Variants in XPR1 observed in about 807,000 individuals in gnomAD.
XPR1 encodes xenotropic and polytropic retrovirus receptor 1, also known as solute carrier family 53 member 1.
Under a neutral mutation model 87.5 loss-of-function variants are expected in XPR1, and 28 were observed. The ratio of observed to expected loss-of-function variants is 0.32; its 90% CI spans 0.24 to 0.44. XPR1 has a LOEUF of 0.44. Ranked by LOEUF, XPR1 falls within the 20% of genes least tolerant of loss-of-function variation. XPR1 has a pLI of 1.00. For synonymous variants in XPR1, 300 were observed against 306.1 expected, an observed-to-expected ratio of 0.98 and a Z score of 0.21; for missense variants, 559 against 862.3, an observed-to-expected ratio of 0.65 and a Z score of 4.41.
At chr1:180,855,081 G>T (rs969614485) in intron 11 of XPR1, among the ~76,000 whole-genome samples, 1 of 152,132 alleles carries the variant, frequency 6.6e-6, no homozygotes, top group Non-Finnish European at 1.5e-5. Flanking sequence ...GAAAAATGCT[G>T]ATGTGAGATC....
chr1:180,713,956 T>G (rs1485289577), intron 2 of XPR1, among the ~76,000 whole-genome samples: 1 of 152,164 alleles, frequency 6.6e-6, no homozygotes, highest in African/African-American at 2.4e-5. Context: ...GGTATTATTC[T>G]TTTTAACTGT....
rs1264196151 is a variant in XPR1 at position 180,708,894 on chromosome 1, GT to G, written c.121+26498del. Among the ~76,000 whole-genome samples, 409 of 83,982 alleles carry G rather than the reference GT, an allele frequency of 4.9e-3. 1 individual carries two copies. The highest frequency in any genetic ancestry group is 9.9e-3 in the African/African-American group (228 of 22,962). The allele number at this position is 83,982 out of a possible 152,430, so 55.1% of individuals were successfully genotyped here. On this transcript the variant is annotated intron_variant, in intron 2 of 14. Coordinates refer to ENST00000367590, the MANE Select transcript of XPR1 (RefSeq NM_004736.4). ...AGCTGTAGTCTTATAAGCATGTAAA[GT>G]TTTTTTTTTTTTTTGGGGGGGGGGG...
intron 2 of XPR1, among the ~76,000 whole-genome samples, chr1:180,751,726 C>T (rs1167133580): frequency 6.6e-6 from 1 of 152,054 alleles, no homozygotes; most frequent in African/African-American, 2.4e-5. Context: ...AGGTCACTGC[C>T]TGAAGTAGAA....
intron 11 of XPR1, among the ~76,000 whole-genome samples, chr1:180,844,931 A>T (rs1651628814): frequency 6.6e-6 from 1 of 152,224 alleles, no homozygotes; most frequent in South Asian, 2.1e-4. Context: ...ACCCTACATT[A>T]ATGGGGCAAG....
intron 2 of XPR1, among the ~76,000 whole-genome samples, chr1:180,722,516 A>G (rs1187927001): frequency 6.6e-6 from 1 of 152,212 alleles, no homozygotes; most frequent in Non-Finnish European, 1.5e-5. Flanking sequence ...GAGACTGTGC[A>G]TTTCATATTG....
At chr1:180,658,674 C>T (rs560742361) in intron 1 of XPR1, among the ~76,000 whole-genome samples, 5 of 152,090 alleles carry the variant, frequency 3.3e-5, no homozygotes, top group African/African-American at 1.2e-4. Context: ...ACACCATTCT[C>T]CTGCCTCAGC....
At chr1:180,669,340 A>G (rs1453675204) in intron 1 of XPR1, among the ~76,000 whole-genome samples, 2 of 151,676 alleles carry the variant, frequency 1.3e-5, no homozygotes, top group Non-Finnish European at 2.9e-5. Flanking sequence ...ATATATTCTG[A>G]TGGTCTGTCT....
intron 1 of XPR1, among the ~76,000 whole-genome samples, chr1:180,634,299 C>G (rs1654692702): frequency 6.6e-6 from 1 of 152,100 alleles, no homozygotes; most frequent in African/African-American, 2.4e-5. Flanking sequence ...CGGAGAGTTC[C>G]TACTATATGG....
chr1:180,681,481 T>C (rs1656576620), intron 1 of XPR1, among the ~76,000 whole-genome samples: 1 of 152,052 alleles, frequency 6.6e-6, no homozygotes, highest in Non-Finnish European at 1.5e-5. Flanking sequence ...CTGTCTCTAC[T>C]AAGAAATACA....
rs145839087 is a variant in XPR1, at chr1:180,756,608, A to G, written c.122-31145A>G. Among the ~76,000 whole-genome samples the G allele has an allele frequency of 2.9e-3, 443 of 152,108 alleles. 3 individuals are homozygous for G. The highest frequency in any genetic ancestry group is 9.6e-3 in the African/African-American group (401 of 41,576). ...TGTTATTGATGGTGTCCTTTGAATA[A>G]CAAAAGTTATAAATTTTGATAAAGT... On this transcript the variant is annotated intron_variant, in intron 2 of 14. Transcript: ENST00000367590.
At chr1:180,690,154 T>TAAA (rs762817354) in intron 2 of XPR1, among the ~76,000 whole-genome samples, 1 of 129,204 alleles carries the variant, frequency 7.7e-6, no homozygotes. Flanking sequence ...AGACTCTGTC[T>TAAA]AAAAAAAAAA....
Position 180,889,144 on chromosome 1 carries a change from CATT to C in XPR1, c.*5081_*5083del, listed in dbSNP as rs1473770188. On this transcript the variant is annotated 3_prime_UTR_variant, in exon 15 of 15. Transcript: ENST00000367590. ...GAGTTTCCCTTAAAGTGAGGAGAAT[CATT>C]ATACAACTTTGCAACTGAAGTATGT... is the stretch of plus-strand genomic sequence containing the variant. 2 of 152,196 alleles carry C rather than the reference CATT, an allele frequency of 1.3e-5. No homozygotes were observed. The highest frequency in any genetic ancestry group is 1.9e-4 in the East Asian group (1 of 5,204). 9.4% of individuals were successfully genotyped at this position (152,196 alleles called of 1,614,324 possible).
chr1:180,674,743 C>T (rs543061472), intron 1 of XPR1, among the ~76,000 whole-genome samples: 2 of 152,162 alleles, frequency 1.3e-5, no homozygotes, highest in South Asian at 4.2e-4. Context: ...CCCAGCCACT[C>T]TGTTATGCTT....
At chr1:180,797,077 T>TG (rs1158606843) in intron 3 of XPR1, among the ~76,000 whole-genome samples, 1 of 152,124 alleles carries the variant, frequency 6.6e-6, no homozygotes, top group Non-Finnish European at 1.5e-5. Context: ...GTTCTAAAAT[T>TG]GGATTTTTAT....
intron 2 of XPR1, among the ~76,000 whole-genome samples, chr1:180,729,872 C>T (rs1658490852): frequency 6.6e-6 from 1 of 152,060 alleles, no homozygotes; most frequent in Non-Finnish European, 1.5e-5. Context: ...ATATTTTCTT[C>T]TGCTGTGCAG....
At chr1:180,643,262 T>A (rs1017947154) in intron 1 of XPR1, among the ~76,000 whole-genome samples, 1 of 152,206 alleles carries the variant, frequency 6.6e-6, no homozygotes, top group African/African-American at 2.4e-5. Context: ...AATTAATACC[T>A]TATTTAGTCA....
chr1:180,778,999 G>A (rs1228311228), intron 2 of XPR1, among the ~76,000 whole-genome samples: 2 of 152,132 alleles, frequency 1.3e-5, no homozygotes, highest in African/African-American at 4.8e-5. Flanking sequence ...ATCACCACCT[G>A]GTGGCAGTAA....
At chr1:180,638,288 AAAT>A (rs1178372964) in intron 1 of XPR1, among the ~76,000 whole-genome samples, 1 of 152,226 alleles carries the variant, frequency 6.6e-6, no homozygotes, top group Non-Finnish European at 1.5e-5. Context: ...TATAATTAAT[AAAT>A]AAATATGCAT....
Position 180,696,165 on chromosome 1 carries a change from GGTGTGTGT to G in XPR1, c.121+13791_121+13798del, listed in dbSNP as rs59249501. Among the ~76,000 whole-genome samples the G allele has an allele frequency of 3.9e-3, 397 of 102,966 alleles. 3 individuals carry two copies. Among genetic ancestry groups the G allele is most frequent in the South Asian group, 6.8e-3 (18 of 2,638 alleles). The allele number at this position is 102,966 out of a possible 152,430, so 67.5% of individuals were successfully genotyped here. A position where few individuals can be genotyped will look rare whatever the true frequency, so the allele number is the denominator to read the frequency against. On this transcript the variant is annotated intron_variant, in intron 2 of 14. Coordinates refer to ENST00000367590, the MANE Select transcript of XPR1 (RefSeq NM_004736.4). ...GCCTCCTTCGTTAAATTTATTCCTG[GGTGTGTGT>G]GTGTGTGTGTGTGTGTGTGTGTGTG...
Sources: gnomAD v4.1 joint callset for allele counts (sites outside exome capture counted in the v4.1 genomes callset) on GRCh38, gnomAD v4.1.1 for gene constraint, MANE v1.5 for transcripts, NCBI Gene and HGNC (gene_info 2026-07-23, HGNC 2026-07-21) for gene names.